Variants in EYS observed in about 807,000 individuals in gnomAD.
EYS encodes EGF-like photoreceptor maintenance factor.
Under a neutral mutation model 282.1 loss-of-function variants are expected in EYS, and 250 were observed. The ratio of observed to expected loss-of-function variants is 0.89; its 90% CI spans 0.80 to 0.98. The LOEUF is 0.98. Ranked by LOEUF, EYS falls within the 50% of genes least tolerant of loss-of-function variation. The pLI is 0.00. For missense variants in EYS, 4,016 were observed against 3,709.0 expected (o/e 1.08, Z -2.15); for synonymous variants, 1,355 against 1,282.9 (o/e 1.06, Z -1.20).
intron 1 of EYS, among the ~76,000 whole-genome samples, chr6:65,701,432 C>G (rs189137442): frequency 1.3e-5 from 2 of 152,096 alleles, no homozygotes; most frequent in African/African-American, 4.8e-5. Context: ...TCCTCCTTCA[C>G]GCTTGTTCAT....
At chr6:63,893,664 A>G (rs1773464027) in intron 35 of EYS, among the ~76,000 whole-genome samples, 1 of 152,196 alleles carries the variant, frequency 6.6e-6, no homozygotes, top group Non-Finnish European at 1.5e-5. Context: ...ACCATGGCAC[A>G]TGTATACCTA....
At chr6:65,689,361 C>T in intron 1 of EYS, among the ~76,000 whole-genome samples, 1 of 149,170 alleles carries the variant, frequency 6.7e-6, no homozygotes, top group East Asian at 2.4e-4. Context: ...ACATCACACA[C>T]TGGGGCCTGT....
chr6:64,777,218 T>C (rs1015627734), intron 22 of EYS, among the ~76,000 whole-genome samples: 1 of 152,174 alleles, frequency 6.6e-6, no homozygotes, highest in African/African-American at 2.4e-5. Flanking sequence ...TCTAATTATA[T>C]AGTAGACTGG....
rs1773191592 is a variant in EYS, at chr6:64,392,516, C to A, written c.5928-3676G>T. ...CTACATGGAAACTGAACAACCTGCT[C>A]CTGAATGACTACTGGGTACATAAAG... On this transcript the variant is annotated intron_variant, in intron 28 of 42. Transcript: ENST00000503581. Among the ~76,000 whole-genome samples the A allele has an allele frequency of 2.0e-5, 3 of 151,718 alleles. No homozygotes were observed. The South Asian group carries it at 6.2e-4, about 31-fold the overall frequency.
intron 8 of EYS, among the ~76,000 whole-genome samples, chr6:65,381,222 C>G (rs912314341): frequency 7.0e-4 from 106 of 151,964 alleles, no homozygotes; most frequent in African/African-American, 2.5e-3. Context: ...AACCCAAATG[C>G]CCATCAATGA....
At chr6:65,170,643 G>A (rs974895792) in intron 12 of EYS, among the ~76,000 whole-genome samples, 3 of 151,396 alleles carry the variant, frequency 2.0e-5, no homozygotes, top group Non-Finnish European at 4.4e-5. Context: ...AATACTAAAA[G>A]TAGCTTATTT....
rs199689193 is a variant in EYS, at chr6:64,590,357, C to G, written c.5510G>C (p.Trp1837Ser). 4.1e-3 allele frequency: 6,365 copies of G among 1,551,246 alleles called. 24 individuals are homozygous for G. The highest frequency in any genetic ancestry group is 5.2e-3 in the Middle Eastern group (31 of 5,992). ...ACTAGGCTGAAGTTCCCATTTGGAC[C>G]ATTCTGAAGAAGTCTTGACCTCTTT... The part of the protein sequence containing the change: ...LKKEVKTSSE[W>S]SKWELQPSVQ... Residue 1837 changes from tryptophan (W) to serine (S), a missense_variant, in exon 26 of 43, where the codon TGG (tryptophan) becomes TCG (serine). Physicochemically the swap from Trp to Ser is radical, Grantham distance 177. Coordinates refer to ENST00000503581, the MANE Select transcript of EYS (RefSeq NM_001142800.2).
At chr6:65,032,090 C>T (rs2150144384) in intron 13 of EYS, among the ~76,000 whole-genome samples, 1 of 152,118 alleles carries the variant, frequency 6.6e-6, no homozygotes, top group Admixed American at 6.6e-5. Flanking sequence ...ACAAAAACAA[C>T]CCTAAGAAAC....
At chr6:64,530,500 A>C (rs552701617) in intron 26 of EYS, among the ~76,000 whole-genome samples, 4 of 152,258 alleles carry the variant, frequency 2.6e-5, no homozygotes, top group African/African-American at 9.6e-5. Flanking sequence ...AAATAAACAT[A>C]TATGCAATAA....
At position 64,946,224 on chromosome 6, in the gene EYS, G is replaced by A. The variant is rs144964214; in HGVS notation, c.2260-310C>T. Among the ~76,000 whole-genome samples, 312 of 152,102 alleles carry A rather than the reference G, an allele frequency of 2.1e-3. 2 individuals are homozygous for A. Among genetic ancestry groups the A allele is most frequent in the Non-Finnish European group, 3.7e-3 (248 of 67,920 alleles). On this transcript the variant is annotated intron_variant, in intron 14 of 42. Coordinates refer to ENST00000503581, the MANE Select transcript of EYS (RefSeq NM_001142800.2). Reference sequence around the variant, plus strand: ...AAATGTTTTAAAAGAAAAATAGCATGTTAGTCATATGATGGTAGATGATGG... The same window carrying A: ...AAATGTTTTAAAAGAAAAATAGCATATTAGTCATATGATGGTAGATGATGG...
intron 37 of EYS, among the ~76,000 whole-genome samples, chr6:63,795,394 G>T (rs1770620694): frequency 2.0e-5 from 3 of 152,296 alleles, no homozygotes; most frequent in Middle Eastern, 6.8e-3. Flanking sequence ...AAAGGATGCT[G>T]CTATGAATAT....
At chr6:64,812,872 TCTC>T (rs1206866423) in intron 22 of EYS, among the ~76,000 whole-genome samples, 1 of 151,968 alleles carries the variant, frequency 6.6e-6, no homozygotes, top group South Asian at 2.1e-4. Flanking sequence ...AAAAAATTCA[TCTC>T]CTAAAATGTT....
chr6:63,772,695 T>C (rs996876297), intron 40 of EYS, among the ~76,000 whole-genome samples: 3 of 152,272 alleles, frequency 2.0e-5, no homozygotes, highest in Middle Eastern at 3.5e-3. Flanking sequence ...TTTTCTTCAG[T>C]ATTTAAAAAT....
At chr6:64,051,195 T>C (rs1360811713) in intron 33 of EYS, among the ~76,000 whole-genome samples, 3 of 152,160 alleles carry the variant, frequency 2.0e-5, no homozygotes, top group South Asian at 4.1e-4. Flanking sequence ...AAATATCTAT[T>C]AAACACATAC....
chr6:64,398,187 G>A (rs1395753355), intron 28 of EYS, among the ~76,000 whole-genome samples: 1 of 151,886 alleles, frequency 6.6e-6, no homozygotes, highest in African/African-American at 2.4e-5. Context: ...GACCTACATT[G>A]ATATTATTTA....
intron 12 of EYS, among the ~76,000 whole-genome samples, chr6:65,173,422 G>T (rs765932056): frequency 1.8e-4 from 26 of 145,568 alleles, no homozygotes; most frequent in Non-Finnish European, 1.1e-4. Flanking sequence ...TAGAACGGGG[G>T]ACTCACCAAG....
intron 13 of EYS, among the ~76,000 whole-genome samples, chr6:65,021,357 T>G (rs898588440): frequency 6.6e-6 from 1 of 152,214 alleles, no homozygotes; most frequent in Non-Finnish European, 1.5e-5. Flanking sequence ...ATCAGTCTCT[T>G]TGCTAAAGCA....
intron 8 of EYS, among the ~76,000 whole-genome samples, chr6:65,384,159 C>T (rs1033721290): frequency 5.9e-5 from 9 of 151,750 alleles, no homozygotes; most frequent in Admixed American, 5.3e-4. Flanking sequence ...TAGCTTTATA[C>T]TTACTTTATA....
chr6:65,608,243 G>A (rs1278012404), intron 2 of EYS, among the ~76,000 whole-genome samples: 2 of 151,944 alleles, frequency 1.3e-5, no homozygotes, highest in Non-Finnish European at 2.9e-5. Context: ...AGGTACTACT[G>A]TACAGAATAC....
Sources: allele counts gnomAD v4.1 joint callset (sites outside exome capture counted in the v4.1 genomes callset), GRCh38; gene constraint gnomAD v4.1.1; transcripts MANE v1.5; gene names NCBI Gene and HGNC (gene_info 2026-07-23, HGNC 2026-07-21).